TAMALIN: variants seen among roughly 807,000 people sequenced by gnomAD.
TAMALIN encodes the protein protein TAMALIN.
In TAMALIN, 9 loss-of-function variants were observed where a neutral mutation model predicts 38.5. The observed-to-expected ratio is 0.23, with a 90% CI of 0.14 to 0.41. The LOEUF is 0.41. Among genes scored for constraint, TAMALIN ranks in the 10% least tolerant of loss-of-function variants. The pLI is 1.00. For missense variants in TAMALIN, 548 were observed against 554.1 expected, an observed-to-expected ratio of 0.99 and a Z score of 0.11; for synonymous variants, 306 against 256.5, an observed-to-expected ratio of 1.19 and a Z score of -1.85.
Position 52,007,352 on chromosome 12 carries a change from G to T in TAMALIN, c.246+87G>T. 5 of 1,296,980 alleles carry T rather than the reference G, an allele frequency of 3.9e-6. No individual in the cohort carries two copies. Among genetic ancestry groups the T allele is most frequent in the Non-Finnish European group, 3.9e-6 (4 of 1,022,646 alleles). 80.3% of individuals were successfully genotyped at this position (1,296,980 alleles called of 1,614,324 possible). A position where few individuals can be genotyped will look rare whatever the true frequency, so the allele number is the denominator to read the frequency against. ...CTGACTCCGCAGTGCCCTCTCCTCG[G>T]CGTCCGCGGAGTCCCCCACCTTCTT... On this transcript the variant is annotated intron_variant, in intron 1 of 7. Coordinates refer to ENST00000293662, the MANE Select transcript of TAMALIN (RefSeq NM_181711.4). This position sits in a 1 kb window ranked among gnomAD's most constrained non-coding sequence, Gnocchi z 6.7.
In TAMALIN at chr12:52,011,731, AAAGC is replaced by A. The variant is rs1214443484; in HGVS notation, c.454+593_454+596del. ...GATCCTCCTCTTGCCTCTGCCTCCC[AAAGC>A]AATATGTTACTTCCTCTAACAAGGA... On this transcript the variant is annotated intron_variant, in intron 4 of 7. Coordinates refer to ENST00000293662, the MANE Select transcript of TAMALIN (RefSeq NM_181711.4). The surrounding 1 kb of genome is among the most constrained non-coding windows in gnomAD (Gnocchi z 5.3). Among the ~76,000 whole-genome samples the A allele has an allele frequency of 6.6e-6, 1 of 152,046 alleles. No individual in the cohort carries two copies. Among genetic ancestry groups the A allele is most frequent in the Admixed American group, 6.6e-5 (1 of 15,264 alleles).
Position 52,007,026 on chromosome 12 carries a change from CT to C in TAMALIN, c.8del (p.Leu3ProfsTer100). 7.0e-7 allele frequency: 1 copy of C among 1,433,546 alleles called. No individual in the cohort carries two copies. Among genetic ancestry groups the C allele is most frequent in the Non-Finnish European group, 9.1e-7 (1 of 1,100,858 alleles). The allele number at this position is 1,433,546 out of a possible 1,614,324, so 88.8% of individuals were successfully genotyped here. A position where few individuals can be genotyped will look rare whatever the true frequency, so the allele number is the denominator to read the frequency against. The stretch of plus-strand genomic sequence containing the variant: ...GGCGTCCGGCGCCGGAGCCATGACC[CT>C]CCGCCGACTCAGGAAGCTGCAGCAG... Reference protein sequence around the residue: MTLRRLRKLQQKE... With the variant: MTXRRLRKLQQKE... On this transcript the variant is annotated frameshift_variant, in exon 1 of 8. Coordinates refer to ENST00000293662, the MANE Select transcript of TAMALIN (RefSeq NM_181711.4). LOFTEE classifies it high-confidence loss of function. The surrounding 1 kb of genome is among the most constrained non-coding windows in gnomAD (Gnocchi z 6.7).
In TAMALIN at chr12:52,015,139, G is replaced by T; in HGVS notation, c.1128G>T (p.Arg376=). 1 of 1,593,590 alleles carries T rather than the reference G, an allele frequency of 6.3e-7. No individual in the cohort carries two copies. Among genetic ancestry groups the T allele is most frequent in the Admixed American group, 1.7e-5 (1 of 59,596 alleles). ...RKTKYRSFRR[R]LLKFIPGLNR... is the part of the protein sequence containing the mutation. ...CCAAGTACCGCAGCTTCCGCCGGCG[G>T]CTGCTCAAGTTCATCCCCGGACTCA... The change falls in exon 8 of 8, where the codon CGG becomes CGT. Residue 376 remains arginine (R), a synonymous_variant. Transcript: ENST00000293662.
At chr12:52,013,112 C>T in intron 4 of TAMALIN, among the ~76,000 whole-genome samples, 1 of 141,866 alleles carries the variant, frequency 7.0e-6, no homozygotes, top group Non-Finnish European at 1.5e-5. Context: ...GAGTCTCGCT[C>T]TGTCGCCCAG....
In TAMALIN at chr12:52,011,300, G is replaced by A. The variant is rs531553092; in HGVS notation, c.454+159G>A. On this transcript the variant is annotated intron_variant, in intron 4 of 7. Coordinates refer to ENST00000293662, the MANE Select transcript of TAMALIN (RefSeq NM_181711.4). The surrounding 1 kb of genome is among the most constrained non-coding windows in gnomAD (Gnocchi z 5.3). Reference sequence around the variant, plus strand: ...GGATAGAATCTGGGCTTTGGATCTAGGCAAATTTGCCATGTACTGTGTGAT... The same window carrying A: ...GGATAGAATCTGGGCTTTGGATCTAAGCAAATTTGCCATGTACTGTGTGAT... 2.8e-5 allele frequency: 38 copies of A among 1,337,016 alleles called. No homozygotes were observed. The highest frequency in any genetic ancestry group is 3.9e-5 in the Non-Finnish European group (38 of 968,312). 82.8% of individuals were successfully genotyped at this position (1,337,016 alleles called of 1,614,324 possible).
In TAMALIN at chr12:52,007,117, C is replaced by A. The variant is rs761389176; in HGVS notation, c.98C>A (p.Ala33Asp). 2 of 1,485,346 alleles carry A rather than the reference C, an allele frequency of 1.3e-6. No homozygotes were observed. The highest frequency in any genetic ancestry group is 1.8e-6 in the Non-Finnish European group (2 of 1,125,624). The allele number at this position is 1,485,346 out of a possible 1,614,324, so 92.0% of individuals were successfully genotyped here. The change falls in exon 1 of 8, where the codon GCC becomes GAC. Residue 33 changes from alanine to aspartate, a missense_variant. Around this residue, in one of 3 missense-constraint regions of TAMALIN, gnomAD observed 128 missense variants for 117.9 expected, o/e 1.09. Transcript: ENST00000293662. This position sits in a 1 kb window ranked among gnomAD's most constrained non-coding sequence, Gnocchi z 6.7. The part of the protein sequence containing the change: ...ARTPDSEVAP[A>D]APVPTPGPPA... ...ACTCCCGACTCGGAAGTCGCGCCCG[C>A]CGCTCCGGTCCCGACCCCGGGACCC...
rs1426695769 is a variant in TAMALIN at position 52,015,370 on chromosome 12, G to A, written c.*171G>A. On this transcript the variant is annotated 3_prime_UTR_variant, in exon 8 of 8. Coordinates refer to ENST00000293662, the MANE Select transcript of TAMALIN (RefSeq NM_181711.4). ...GCTGGTGTCTGCTGAGGGAGTGGGG[G>A]GCCCAGCCCCTTCTCTTCTCCCCCG... 5.1e-6 allele frequency: 4 copies of A among 778,342 alleles called. No individual in the cohort carries two copies. The highest frequency in any genetic ancestry group is 7.6e-6 in the Non-Finnish European group (4 of 525,832). The allele number at this position is 778,342 out of a possible 1,614,324, so 48.2% of individuals were successfully genotyped here. A position where few individuals can be genotyped will look rare whatever the true frequency, so the allele number is the denominator to read the frequency against.
At position 52,013,748 on chromosome 12, in the gene TAMALIN, G is replaced by A; in HGVS notation, c.516G>A (p.Val172=). The A allele has an allele frequency of 1.2e-6, 2 of 1,614,162 alleles. No homozygotes were observed. The highest frequency in any genetic ancestry group is 1.7e-6 in the Non-Finnish European group (2 of 1,180,022). Residue 172 remains valine, a synonymous_variant, in exon 5 of 8, where the codon GTG becomes GTA. Transcript: ENST00000293662. ...AAGGCATCCGGCATCGAGAGATTGTGGACATCATTAAGGCGTCAGGCAATG... is the reference window on the plus strand; with the variant it reads ...AAGGCATCCGGCATCGAGAGATTGTAGACATCATTAAGGCGTCAGGCAATG... ...NVEGIRHREI[V]DIIKASGNVL...
At chr12:52,009,881 A>G (rs558581345) in intron 2 of TAMALIN, among the ~76,000 whole-genome samples, 1 of 152,376 alleles carries the variant, frequency 6.6e-6, no homozygotes, top group Non-Finnish European at 1.5e-5. Flanking sequence ...TTGAGCTAAT[A>G]ATTTTTAAAG....
In TAMALIN at chr12:52,015,157, C is replaced by T. The variant is rs1937778491; in HGVS notation, c.1146C>T (p.Pro382=). ...GCCGGCGGCTGCTCAAGTTCATCCC[C>T]GGACTCAACCGCTCCCTGGAGGAGG... The part of the protein sequence containing the change: ...SFRRRLLKFI[P]GLNRSLEEEE... Residue 382 remains proline, a synonymous_variant, in exon 8 of 8, where the codon CCC becomes CCT. Coordinates refer to ENST00000293662, the MANE Select transcript of TAMALIN (RefSeq NM_181711.4). 3.1e-6 allele frequency: 5 copies of T among 1,594,384 alleles called. No homozygotes were observed. The highest frequency in any genetic ancestry group is 4.2e-6 in the Non-Finnish European group (5 of 1,178,116).
intron 6 of TAMALIN, 26 bp from the exon 7 acceptor site, chr12:52,014,109 A>G (rs756656000): frequency 1.2e-6 from 2 of 1,600,270 alleles, no homozygotes; most frequent in Non-Finnish European, 1.7e-6. Flanking sequence ...AGCTTGTGAC[A>G]GTGGGGTGGG....
intron 4 of TAMALIN, among the ~76,000 whole-genome samples, chr12:52,012,693 A>G (rs1937678764): frequency 6.6e-6 from 1 of 152,210 alleles, no homozygotes; most frequent in Admixed American, 6.5e-5. Context: ...AAGTAGTTTC[A>G]AATCCACTCT....
Position 52,007,203 on chromosome 12 carries a change from T to C in TAMALIN, c.184T>C (p.Tyr62His). ...CGAGCTGTACGCGGCGCTGGAGGAC[T>C]ATCACCCTGCCGAGCTGTACCGCGC... is the stretch of plus-strand genomic sequence containing the variant. ...ADELYAALED[Y>H]HPAELYRALA... Residue 62 changes from tyrosine to histidine, a missense_variant, in exon 1 of 8, where the codon TAT becomes CAT. This residue lies in a region of TAMALIN where 128 missense variants were observed against 117.9 expected (regional missense o/e 1.09). Transcript: ENST00000293662. The surrounding 1 kb of genome is among the most constrained non-coding windows in gnomAD (Gnocchi z 6.7). 6.6e-7 allele frequency: 1 copy of C among 1,522,664 alleles called. No homozygotes were observed. The highest frequency in any genetic ancestry group is 8.7e-7 in the Non-Finnish European group (1 of 1,146,712). 94.3% of individuals were successfully genotyped at this position (1,522,664 alleles called of 1,614,324 possible). A position where few individuals can be genotyped will look rare whatever the true frequency, so the allele number is the denominator to read the frequency against.
chr12:52,011,527 T>G lies in TAMALIN; in HGVS notation c.454+386T>G, dbSNP rs1328305046. On this transcript the variant is annotated intron_variant, in intron 4 of 7. Coordinates refer to ENST00000293662, the MANE Select transcript of TAMALIN (RefSeq NM_181711.4). The surrounding 1 kb of genome is among the most constrained non-coding windows in gnomAD (Gnocchi z 5.3). ...ACATTCCATTAAGTCTGTTTGATAT[T>G]GGGGATCAGGCCAATCCTGCCCCAA... 6.6e-6 allele frequency among the ~76,000 whole-genome samples: 1 copy of G among 152,126 alleles called. No homozygotes were observed.
chr12:52,014,755 C>T lies in TAMALIN; in HGVS notation c.744C>T (p.Tyr248=). 4.6e-6 allele frequency: 7 copies of T among 1,506,918 alleles called. No homozygotes were observed. The highest frequency in any genetic ancestry group is 6.1e-6 in the Non-Finnish European group (7 of 1,138,762). 93.3% of individuals were successfully genotyped at this position (1,506,918 alleles called of 1,614,324 possible). A position where few individuals can be genotyped will look rare whatever the true frequency, so the allele number is the denominator to read the frequency against. Residue 248 remains tyrosine (Y), a synonymous_variant, in exon 8 of 8, where the codon TAC becomes TAT. Coordinates refer to ENST00000293662, the MANE Select transcript of TAMALIN (RefSeq NM_181711.4). ...TGGAGTCGGTGCGCTCCTGCCTCTA[C>T]GGCGCGGGCCTGCTCCCGGGCTCGC... The part of the protein sequence containing the change: ...DTLESVRSCL[Y]GAGLLPGSLP...
Position 52,013,796 on chromosome 12 carries a change from G to C in TAMALIN, c.548+16G>C, listed in dbSNP as rs374301246. ...ATGTTCTCAGGTATGTCTGGGAGCC[G>C]AGGTGCCTGAATTCCTGAGCTCAGC... On this transcript the variant is annotated intron_variant, in intron 5 of 7. Transcript: ENST00000293662. The C allele has an allele frequency of 6.8e-6, 11 of 1,613,322 alleles. No individual in the cohort carries two copies. The highest frequency in any genetic ancestry group is 9.3e-6 in the Non-Finnish European group (11 of 1,179,266).
Position 52,011,256 on chromosome 12 carries a change from GA to G in TAMALIN, c.454+117del, listed in dbSNP as rs1937639416. 6.5e-7 allele frequency: 1 copy of G among 1,543,790 alleles called. No individual in the cohort carries two copies. The highest frequency in any genetic ancestry group is 1.2e-5 in the South Asian group (1 of 86,930). Reference sequence around the variant, plus strand: ...ATTCCTCTTCCTTTTCCTTCTTTGAGAAGGCCAGAAAGAAGAATGGATAGAA... The same window carrying G: ...ATTCCTCTTCCTTTTCCTTCTTTGAGAGGCCAGAAAGAAGAATGGATAGAA... On this transcript the variant is annotated intron_variant, in intron 4 of 7. Coordinates refer to ENST00000293662, the MANE Select transcript of TAMALIN (RefSeq NM_181711.4). The surrounding 1 kb of genome is among the most constrained non-coding windows in gnomAD (Gnocchi z 5.3).
chr12:52,014,410 CAGAT>C (rs1346091302), intron 7 of TAMALIN: 20 of 616,850 alleles, frequency 3.2e-5, no homozygotes, highest in Non-Finnish European at 4.9e-5. Flanking sequence ...AGGTAAGTAA[CAGAT>C]AGTGTCATCT....
intron 1 of TAMALIN, among the ~76,000 whole-genome samples, 164 bp from the exon 2 acceptor site, chr12:52,009,026 G>A (rs1429761513): frequency 3.3e-5 from 5 of 152,254 alleles, no homozygotes; most frequent in Admixed American, 3.3e-4. Flanking sequence ...AGTGGTGCCA[G>A]TAGTGGCACT....
Sources: allele counts gnomAD v4.1 joint callset (sites outside exome capture counted in the v4.1 genomes callset), GRCh38; gene constraint gnomAD v4.1.1; regional missense constraint gnomAD v4.1.1; non-coding constraint Gnocchi (gnomAD v3.1); transcripts MANE v1.5; gene names NCBI Gene and HGNC (gene_info 2026-07-23, HGNC 2026-07-21).